Variants in CHMP4B observed in about 807,000 individuals in gnomAD.
CHMP4B encodes charged multivesicular body protein 4B.
In CHMP4B, 1 loss-of-function variant was observed where a neutral mutation model predicts 25.1. That is an observed-to-expected ratio of 0.04 (90% CI 0.01 to 0.19). The LOEUF is 0.19. Among genes scored for constraint, CHMP4B ranks in the 10% least tolerant of loss-of-function variants. The probability of loss-of-function intolerance (pLI) is 1.00; values close to 1 mark genes in which losing one functional copy is unlikely to be tolerated. For synonymous variants in CHMP4B, 101 were observed against 115.6 expected (o/e 0.87, Z 0.81); for missense variants, 151 against 289.7 (o/e 0.52, Z 3.48).
intron 1 of CHMP4B, among the ~76,000 whole-genome samples, chr20:33,813,717 GT>G (rs1015639022): frequency 3.3e-5 from 5 of 151,918 alleles, no homozygotes; most frequent in Non-Finnish European, 5.9e-5. Context: ...TCTGGAGTTT[GT>G]TTTTTTGTTT....
chr20:33,848,982 C>T (rs1192243155), intron 2 of CHMP4B, among the ~76,000 whole-genome samples: 13 of 152,178 alleles, frequency 8.5e-5, no homozygotes, highest in Non-Finnish European at 5.9e-5. Context: ...CCCTGTGTGA[C>T]ATGGGAGCTT....
intron 1 of CHMP4B, among the ~76,000 whole-genome samples, chr20:33,815,549 G>C (rs529449964): frequency 4.6e-5 from 7 of 152,282 alleles, no homozygotes; most frequent in African/African-American, 1.7e-4. Flanking sequence ...GCGTGTACTT[G>C]ATAATTGTAT....
intron 1 of CHMP4B, among the ~76,000 whole-genome samples, chr20:33,822,394 C>T (rs1318131051): frequency 6.6e-6 from 1 of 152,234 alleles, no homozygotes; most frequent in Non-Finnish European, 1.5e-5. Flanking sequence ...ATCCACCTGC[C>T]TCGGCCTCCC....
chr20:33,811,719 A>G (rs542401860), intron 1 of CHMP4B, 61 bp downstream of exon 1: 2 of 1,537,712 alleles, frequency 1.3e-6, no homozygotes, highest in African/African-American at 2.7e-5. Context: ...CCGGGCCCGG[A>G]CTTCACCTTC....
chr20:33,839,978 A>G (rs966285730), intron 1 of CHMP4B, among the ~76,000 whole-genome samples: 6 of 152,158 alleles, frequency 3.9e-5, no homozygotes, highest in African/African-American at 1.4e-4. Context: ...GAAAGCACCA[A>G]TCATGGCACC....
At chr20:33,811,868 T>C (rs1298453469) in intron 1 of CHMP4B, among the ~76,000 whole-genome samples, 1 of 151,864 alleles carries the variant, frequency 6.6e-6, no homozygotes, top group African/African-American at 2.4e-5. Context: ...TATTCTGCCC[T>C]CTCCCCTCAG....
intron 2 of CHMP4B, among the ~76,000 whole-genome samples, chr20:33,849,474 C>A (rs1979784594): frequency 1.3e-5 from 2 of 152,142 alleles, no homozygotes; most frequent in African/African-American, 4.8e-5. Flanking sequence ...GTGGCATGCG[C>A]CTGTAATCCC....
chr20:33,812,517 G>A (rs936212288), intron 1 of CHMP4B, among the ~76,000 whole-genome samples: 1 of 152,170 alleles, frequency 6.6e-6, no homozygotes, highest in East Asian at 1.9e-4. Context: ...TCCTGTTGTC[G>A]TATGGCTTTC....
intron 1 of CHMP4B, among the ~76,000 whole-genome samples, chr20:33,828,340 GCC>G (rs1979148871): frequency 6.6e-6 from 1 of 152,194 alleles, no homozygotes; most frequent in African/African-American, 2.4e-5. Context: ...TTCTACTGTA[GCC>G]TCACCTGTTT....
At chr20:33,840,684 TTCTTG>T (rs1979515035) in intron 1 of CHMP4B, among the ~76,000 whole-genome samples, 1 of 152,238 alleles carries the variant, frequency 6.6e-6, no homozygotes, top group South Asian at 2.1e-4. Context: ...TTGTTGGTTT[TTCTTG>T]TCTTTTCTTT....
At chr20:33,814,670 T>C (rs1025896188) in intron 1 of CHMP4B, among the ~76,000 whole-genome samples, 9 of 152,192 alleles carry the variant, frequency 5.9e-5, no homozygotes, top group African/African-American at 1.9e-4. Flanking sequence ...TCATTCACTT[T>C]AAGCAACAGG....
chr20:33,835,622 T>C (rs889751828), intron 1 of CHMP4B, among the ~76,000 whole-genome samples: 1 of 152,260 alleles, frequency 6.6e-6, no homozygotes, highest in Non-Finnish European at 1.5e-5. Flanking sequence ...CATGTAATAA[T>C]TTTAATCTCT....
At chr20:33,828,796 A>G (rs78068157) in intron 1 of CHMP4B, among the ~76,000 whole-genome samples, 1 of 150,946 alleles carries the variant, frequency 6.6e-6, no homozygotes, top group African/African-American at 2.4e-5. Context: ...GGTATAACGT[A>G]TAGTAAGCAG....
intron 3 of CHMP4B, among the ~76,000 whole-genome samples, chr20:33,851,650 A>G (rs1979853400): frequency 6.6e-6 from 1 of 152,174 alleles, no homozygotes; most frequent in Admixed American, 6.5e-5. Flanking sequence ...CCCCTGCTGT[A>G]TAACCGAGAA....
chr20:33,848,987 G>A (rs770195807), intron 2 of CHMP4B, among the ~76,000 whole-genome samples: 3 of 152,206 alleles, frequency 2.0e-5, no homozygotes, highest in Non-Finnish European at 4.4e-5. Flanking sequence ...TGTGACATGG[G>A]AGCTTGGTTA....
intron 1 of CHMP4B, among the ~76,000 whole-genome samples, chr20:33,835,926 T>C (rs1313368535): frequency 6.6e-6 from 1 of 152,172 alleles, no homozygotes; most frequent in Non-Finnish European, 1.5e-5. Flanking sequence ...CACTTACTCC[T>C]GGAGAATGGC....
chr20:33,818,074 G>T (rs745429845), intron 1 of CHMP4B, among the ~76,000 whole-genome samples: 2 of 152,148 alleles, frequency 1.3e-5, no homozygotes, highest in Non-Finnish European at 2.9e-5. Context: ...ACTTGTTAGG[G>T]CTCTTATGAG....
intron 1 of CHMP4B, 31 bp from the exon 2 acceptor site, chr20:33,848,436 T>TCTCTGAAACCCTGTTTTCTCC: frequency 6.2e-7 from 1 of 1,612,684 alleles, no homozygotes; most frequent in South Asian, 1.1e-5. Flanking sequence ...GTGCCGGGAC[T>TCTCTGAAACCCTGTTTTCTCC]CTCTGAAACC....
At chr20:33,851,464 C>CGG (rs1568612358) in intron 3 of CHMP4B, among the ~76,000 whole-genome samples, 1 of 151,938 alleles carries the variant, frequency 6.6e-6, no homozygotes, top group East Asian at 1.9e-4. Context: ...ACCCCTGACC[C>CGG]GGGGTATCTG....
Sources: gnomAD v4.1 joint callset for allele counts (sites outside exome capture counted in the v4.1 genomes callset) on GRCh38, gnomAD v4.1.1 for gene constraint, MANE v1.5 for transcripts, NCBI Gene and HGNC (gene_info 2026-07-23, HGNC 2026-07-21) for gene names.